Variants in FCRL2 observed in about 807,000 individuals in gnomAD.
The protein encoded by FCRL2 is Fc receptor-like protein 2.
Under a neutral mutation model 59.8 loss-of-function variants are expected in FCRL2, and 48 were observed. The observed-to-expected ratio is 0.80, with a 90% CI of 0.64 to 1.02. The LOEUF is 1.02. Among genes scored for constraint, FCRL2 ranks in the 50% least tolerant of loss-of-function variants. FCRL2 has a pLI of 0.00. For synonymous variants in FCRL2, 251 were observed against 229.5 expected, an observed-to-expected ratio of 1.09 and a Z score of -0.85; for missense variants, 658 against 597.3, an observed-to-expected ratio of 1.10 and a Z score of -1.06.
chr1:157,749,701 T>G, intron 7 of FCRL2, 24 bp from the exon 8 acceptor site: 1 of 1,600,452 alleles, frequency 6.2e-7, no homozygotes, highest in Non-Finnish European at 8.5e-7. Flanking sequence ...AAAACAAAAT[T>G]CATTTCAGAG....
chr1:157,765,185 A>G (rs1649401659), intron 7 of FCRL2, among the ~76,000 whole-genome samples: 2 of 152,220 alleles, frequency 1.3e-5, no homozygotes, highest in African/African-American at 2.4e-5. Context: ...AATGAACAGG[A>G]AAGTCTACAG....
Position 157,746,895 on chromosome 1 carries a change from G to A in FCRL2, c.1464C>T (p.Asn488=). ...WSMQQPESSA[N]IRTLLENKDS... ...CCTTGTTCTCCAGAAGTGTCCTGATGTTTGCTGTTAAGGAAAAAGTAATAG... is the reference window on the plus strand; with the variant it reads ...CCTTGTTCTCCAGAAGTGTCCTGATATTTGCTGTTAAGGAAAAAGTAATAG... The change falls in exon 11 of 12, where the codon AAC becomes AAT. Residue 488 remains asparagine (N), a synonymous_variant. Coordinates refer to ENST00000361516, the MANE Select transcript of FCRL2 (RefSeq NM_030764.4). 6.2e-7 allele frequency: 1 copy of A among 1,613,640 alleles called. No homozygotes were observed. The highest frequency in any genetic ancestry group is 8.5e-7 in the Non-Finnish European group (1 of 1,179,986).
intron 4 of FCRL2, 107 bp downstream of exon 4, chr1:157,769,759 A>G (rs1649836891): frequency 7.2e-7 from 1 of 1,387,402 alleles, no homozygotes; most frequent in Non-Finnish European, 9.8e-7. Context: ...CTTAATTTTC[A>G]CTTTCCTCAA....
chr1:157,764,681 C>T (rs1487183199), intron 7 of FCRL2, among the ~76,000 whole-genome samples: 1 of 152,054 alleles, frequency 6.6e-6, no homozygotes, highest in African/African-American at 2.4e-5. Context: ...TTTTGAAAAC[C>T]GTACAAATAA....
At chr1:157,748,994 C>A (rs1647979261) in intron 8 of FCRL2, 34 bp from the exon 9 acceptor site, 2 of 1,575,022 alleles carry the variant, frequency 1.3e-6, no homozygotes, top group Non-Finnish European at 1.7e-6. Context: ...ATGATAATCC[C>A]CAGGGCAGTG....
Position 157,768,762 on chromosome 1 carries a change from C to T in FCRL2, c.596-61G>A, listed in dbSNP as rs1649742694. On this transcript the variant is annotated intron_variant, in intron 4 of 11. Coordinates refer to ENST00000361516, the MANE Select transcript of FCRL2 (RefSeq NM_030764.4). ...GGGAAACTCTGGGAACAGGGTTTGA[C>T]TGATTCCATTCTCTAATGCAAAATG... 7 of 1,475,798 alleles carry T rather than the reference C, an allele frequency of 4.7e-6. 1 individual carries two copies. The highest frequency in any genetic ancestry group is 4.0e-5 in the South Asian group (3 of 75,050). The allele number at this position is 1,475,798 out of a possible 1,614,324, so 91.4% of individuals were successfully genotyped here.
At chr1:157,764,902 C>A (rs898850296) in intron 7 of FCRL2, among the ~76,000 whole-genome samples, 1 of 151,984 alleles carries the variant, frequency 6.6e-6, no homozygotes, top group Non-Finnish European at 1.5e-5. Flanking sequence ...TAATGAAGCA[C>A]CTCAAGGAAC....
chr1:157,770,190 G>A, intron 3 of FCRL2, 40 bp from the exon 4 acceptor site: 1 of 1,594,938 alleles, frequency 6.3e-7, no homozygotes, highest in Non-Finnish European at 8.6e-7. Flanking sequence ...AGCAGTGACA[G>A]CTAAGATTCC....
chr1:157,747,008 C>A, intron 10 of FCRL2, 109 bp from the exon 11 acceptor site: 1 of 1,143,246 alleles, frequency 8.7e-7, no homozygotes, highest in South Asian at 1.3e-5. Flanking sequence ...TGTGGAATCC[C>A]ATTTTCTCCT....
At chr1:157,767,058 T>C (rs1649549661) in intron 6 of FCRL2, 87 bp from the exon 7 acceptor site, 1 of 1,371,080 alleles carries the variant, frequency 7.3e-7, no homozygotes, top group African/African-American at 1.5e-5. Context: ...TAAATACAAA[T>C]TCAAGTAAGA....
intron 8 of FCRL2, 95 bp from the exon 9 acceptor site, chr1:157,749,055 C>A (rs1185615062): frequency 7.8e-6 from 8 of 1,028,604 alleles, no homozygotes; most frequent in Non-Finnish European, 1.2e-5. Flanking sequence ...GGAAGCCCTG[C>A]AGCCATGGCT....
chr1:157,753,017 A>ATAC (rs1331241390), intron 7 of FCRL2, among the ~76,000 whole-genome samples: 1 of 152,194 alleles, frequency 6.6e-6, no homozygotes, highest in Non-Finnish European at 1.5e-5. Context: ...AAGCGAAGGC[A>ATAC]TACAAGTCAC....
intron 10 of FCRL2, among the ~76,000 whole-genome samples, 174 bp from the exon 11 acceptor site, chr1:157,747,073 A>G (rs57678744): frequency 0.042 from 6,473 of 152,330 alleles, 443 homozygotes; most frequent in African/African-American, 0.15. Flanking sequence ...CTAAGACTCT[A>G]TCCATCTTCC....
At chr1:157,768,925 T>G (rs1218752989) in intron 4 of FCRL2, 9 of 488,864 alleles carry the variant, frequency 1.8e-5, no homozygotes, top group Non-Finnish European at 2.5e-5. Flanking sequence ...GGTAGTAATA[T>G]TTAAAGACTT....
Position 157,770,415 on chromosome 1 carries a change from C to A in FCRL2, c.304G>T (p.Val102Phe), listed in dbSNP as rs373943667. The A allele has an allele frequency of 6.2e-7, 1 of 1,613,160 alleles. No homozygotes were observed. Among genetic ancestry groups the A allele is most frequent in the Non-Finnish European group, 8.5e-7 (1 of 1,179,678 alleles). ...ACAGAAGTCAGGGTTTTACCTTGGA[C>A]TTTTATCTTTACTATATTTGAAGTT... ...DKTSNIVKIK[V>F]QELFQRPVLT... Residue 102 changes from valine to phenylalanine, a missense_variant, in exon 3 of 12, where the codon GTC becomes TTC. By Grantham distance (50) the Val-to-Phe change is conservative. Coordinates refer to ENST00000361516, the MANE Select transcript of FCRL2 (RefSeq NM_030764.4).
intron 7 of FCRL2, among the ~76,000 whole-genome samples, chr1:157,750,245 CTG>C (rs1353355166): frequency 2.6e-5 from 4 of 152,194 alleles, no homozygotes; most frequent in Non-Finnish European, 5.9e-5. Flanking sequence ...GATGTATCAG[CTG>C]TGTGTTTAAA....
rs773464294 is a variant in FCRL2, at chr1:157,770,559, C to A, written c.160G>T (p.Asp54Tyr). ...WKIQKMAYHK[D>Y]NKELSVFKKF... ...TTGAAAACAGATAACTCTTTGTTAT[C>A]CTTATGGTAAGCCATCTTCTGAATT... The change falls in exon 3 of 12, where the codon GAT (aspartate) becomes TAT (tyrosine). Residue 54 changes from aspartate (D) to tyrosine (Y), a missense_variant. Coordinates refer to ENST00000361516, the MANE Select transcript of FCRL2 (RefSeq NM_030764.4). The A allele has an allele frequency of 1.2e-6, 2 of 1,614,104 alleles. No homozygotes were observed. Among genetic ancestry groups the A allele is most frequent in the African/African-American group, 2.7e-5 (2 of 74,934 alleles).
chr1:157,776,944 C>A (rs538092495), intron 1 of FCRL2, 99 bp downstream of exon 1: 35 of 1,177,912 alleles, frequency 3.0e-5, no homozygotes, highest in Non-Finnish European at 3.9e-5. Flanking sequence ...CCTGAGCATC[C>A]CCACCAGTCC....
At position 157,770,210 on chromosome 1, in the gene FCRL2, G is replaced by T. The variant is rs544825602; in HGVS notation, c.311-60C>A. 15 of 1,579,476 alleles carry T rather than the reference G, an allele frequency of 9.5e-6. 1 individual carries two copies. The South Asian group carries it at 1.5e-4, about 16-fold the overall frequency. ...TGACAGCTAAGATTCCTGCTGAAAA[G>T]CCTCTGGCAAGAAGCAACCCCAGCA... is the stretch of plus-strand genomic sequence containing the variant. On this transcript the variant is annotated intron_variant, in intron 3 of 11. Transcript: ENST00000361516.
Sources: allele counts gnomAD v4.1 joint callset (sites outside exome capture counted in the v4.1 genomes callset), GRCh38; gene constraint gnomAD v4.1.1; transcripts MANE v1.5; gene names NCBI Gene and HGNC (gene_info 2026-07-23, HGNC 2026-07-21).